The following ARHGAP32 variants were observed in gnomAD, a reference collection of about 807,000 sequenced individuals.
The protein encoded by ARHGAP32 is Rho GTPase activating protein 32.
Under a neutral mutation model 186.5 loss-of-function variants are expected in ARHGAP32, and 51 were observed. The ratio of observed to expected loss-of-function variants is 0.27; its 90% CI spans 0.22 to 0.35. The LOEUF (loss-of-function observed/expected upper bound fraction) is 0.35. Among genes scored for constraint, ARHGAP32 ranks in the 10% least tolerant of loss-of-function variants. The probability of loss-of-function intolerance (pLI) is 1.00; values close to 1 mark genes in which losing one functional copy is unlikely to be tolerated. For missense variants in ARHGAP32, 2,186 were observed against 2,623.5 expected (o/e 0.83, Z 3.64); for synonymous variants, 950 against 964.3 (o/e 0.99, Z 0.27).
intron 2 of ARHGAP32, among the ~76,000 whole-genome samples, chr11:129,148,877 C>T (rs956934205): frequency 6.6e-6 from 1 of 152,100 alleles, no homozygotes; most frequent in African/African-American, 2.4e-5. Flanking sequence ...ACCAAAAGCC[C>T]CTCTGGAACA....
chr11:129,169,909 A>C (rs1014787552), intron 1 of ARHGAP32, among the ~76,000 whole-genome samples: 9 of 152,094 alleles, frequency 5.9e-5, no homozygotes, highest in Non-Finnish European at 1.2e-4. Context: ...TAAAAATAAA[A>C]GGAACACTTC....
intron 1 of ARHGAP32, among the ~76,000 whole-genome samples, chr11:129,265,134 C>T (rs1349328865): frequency 6.6e-6 from 1 of 152,176 alleles, no homozygotes; most frequent in African/African-American, 2.4e-5. Flanking sequence ...CACTGTCAAC[C>T]TGTTTCCAAA....
intron 10 of ARHGAP32, among the ~76,000 whole-genome samples, chr11:129,048,759 T>C (rs1369723297): frequency 6.6e-6 from 1 of 152,154 alleles, no homozygotes; most frequent in East Asian, 1.9e-4. Flanking sequence ...GTTGCCATAA[T>C]ACAATATCAA....
At chr11:129,000,941 G>C (rs765517946) in intron 11 of ARHGAP32, among the ~76,000 whole-genome samples, 1 of 152,134 alleles carries the variant, frequency 6.6e-6, no homozygotes, top group Non-Finnish European at 1.5e-5. Context: ...CATCCATGTT[G>C]TTGCAAATGA....
In ARHGAP32 at chr11:128,973,677, GAA is replaced by G. The variant is rs201963681; in HGVS notation, c.3074-247_3074-246del. The G allele has an allele frequency of 1.8e-5, 10 of 548,720 alleles. No homozygotes were observed. In the East Asian group the frequency reaches 2.4e-4, roughly 13 times the overall value. 34.0% of individuals were successfully genotyped at this position (548,720 alleles called of 1,614,324 possible). A position where few individuals can be genotyped will look rare whatever the true frequency, so the allele number is the denominator to read the frequency against. ...CTTGAATTGTTACAGAGATGGGGGG[GAA>G]AAAAAGCATGTCCCTCACCTGGCTC... On this transcript the variant is annotated intron_variant, in intron 21 of 22. Transcript: ENST00000682385.
At chr11:129,170,193 TTTC>T (rs1206868116) in intron 1 of ARHGAP32, among the ~76,000 whole-genome samples, 1 of 150,434 alleles carries the variant, frequency 6.6e-6, no homozygotes, top group Non-Finnish European at 1.5e-5. Context: ...ATATAATTTC[TTTC>T]TTTTTAATTT....
rs1431263441 is a variant in ARHGAP32 at position 129,274,854 on chromosome 11, A to AGT, written c.-5+4291_-5+4292insAC. Among the ~76,000 whole-genome samples, 26 of 152,196 alleles carry AGT rather than the reference A, an allele frequency of 1.7e-4. No individual in the cohort carries two copies. In the South Asian group the frequency reaches 5.2e-3, roughly 30 times the overall value. On this transcript the variant is annotated intron_variant, in intron 1 of 6. Transcript: ENST00000525234. ...CTTTAGAGTACATATACATATGGGG[A>AGT]AAATTATCCAACCCTGGCCTAATCA...
At chr11:129,271,800 G>T (rs1004627367) in intron 1 of ARHGAP32, among the ~76,000 whole-genome samples, 1 of 152,106 alleles carries the variant, frequency 6.6e-6, no homozygotes, top group Non-Finnish European at 1.5e-5. Context: ...GGTGAGAGAG[G>T]TCAAATAAGA....
chr11:129,019,574 A>T (rs1676471331), intron 11 of ARHGAP32, among the ~76,000 whole-genome samples: 2 of 152,152 alleles, frequency 1.3e-5, no homozygotes, highest in Non-Finnish European at 2.9e-5. Context: ...ACAAAACTTT[A>T]TTCCTTTCCT....
rs1281237202 is a variant in ARHGAP32, at chr11:129,123,702, A to G, written c.360-172T>C. ...TCCTCTTAAAAATACACTGAGTCAGATGAGTATTACATTTAGTGTACAGAT... is the reference window on the plus strand; with the variant it reads ...TCCTCTTAAAAATACACTGAGTCAGGTGAGTATTACATTTAGTGTACAGAT... On this transcript the variant is annotated intron_variant, in intron 4 of 22. Transcript: ENST00000682385. The surrounding 1 kb of genome is among the most constrained non-coding windows in gnomAD (Gnocchi z 4.6). Among the ~76,000 whole-genome samples, 5 of 152,156 alleles carry G rather than the reference A, an allele frequency of 3.3e-5. No homozygotes were observed. Among genetic ancestry groups the G allele is most frequent in the Non-Finnish European group, 4.4e-5 (3 of 67,998 alleles).
chr11:129,249,834 C>T (rs144747945), intron 1 of ARHGAP32, among the ~76,000 whole-genome samples: 30 of 152,126 alleles, frequency 2.0e-4, no homozygotes, highest in Non-Finnish European at 4.0e-4. Flanking sequence ...AACAGCAATG[C>T]TGGTACTCTG....
intron 11 of ARHGAP32, among the ~76,000 whole-genome samples, chr11:129,021,502 T>G (rs756358301): frequency 2.6e-5 from 4 of 152,072 alleles, no homozygotes; most frequent in Admixed American, 6.5e-5. Flanking sequence ...CAGAACCTGC[T>G]CATGCTAGAC....
Position 129,269,691 on chromosome 11 carries a change from TG to T in ARHGAP32, c.-5+9454del, listed in dbSNP as rs201797046. On this transcript the variant is annotated intron_variant, in intron 1 of 6. Transcript: ENST00000525234. ...ACAACGAGCTATGATCACTCCATCC[TG>T]GGTGACAGAGTAAAACCCTGTCTCT... Among the ~76,000 whole-genome samples the T allele has an allele frequency of 9.5e-4, 145 of 152,302 alleles. 3 individuals carry two copies. In the East Asian group the frequency reaches 0.027, roughly 29 times the overall value.
intron 1 of ARHGAP32, among the ~76,000 whole-genome samples, chr11:129,241,070 A>G (rs975548676): frequency 2.0e-5 from 3 of 152,180 alleles, no homozygotes; most frequent in Non-Finnish European, 4.4e-5. Flanking sequence ...TTTCCTTAAC[A>G]CTTCATTTTT....
At chr11:129,006,829 A>G (rs1402565172) in intron 11 of ARHGAP32, among the ~76,000 whole-genome samples, 1 of 152,210 alleles carries the variant, frequency 6.6e-6, no homozygotes, top group Non-Finnish European at 1.5e-5. Flanking sequence ...GAGTTCCCCC[A>G]GGCCCTAGGT....
chr11:129,172,721 A>C (rs1481888823), intron 1 of ARHGAP32, among the ~76,000 whole-genome samples: 3 of 152,234 alleles, frequency 2.0e-5, no homozygotes, highest in Non-Finnish European at 4.4e-5. Flanking sequence ...ATTAAGGCAG[A>C]AATCAGGAAG....
At chr11:129,125,871 T>G (rs1194838555) in intron 2 of ARHGAP32, 1 of 443,784 alleles carries the variant, frequency 2.3e-6, no homozygotes, top group Non-Finnish European at 4.5e-6. Context: ...AGATATATTT[T>G]TACTCCTTCT....
chr11:129,126,057 T>G (rs1438235042), intron 2 of ARHGAP32: 1 of 437,100 alleles, frequency 2.3e-6, no homozygotes, highest in East Asian at 7.0e-5. Flanking sequence ...CTAGGTATTA[T>G]TTCATCAGTA....
upstream of ARHGAP32, among the ~76,000 whole-genome samples, chr11:129,193,884 T>C (rs976633152): frequency 6.8e-6 from 1 of 147,286 alleles, no homozygotes; most frequent in African/African-American, 2.5e-5. Context: ...TCACAAAGGG[T>C]TAATTTATTT....
Sources: allele counts gnomAD v4.1 joint callset (sites outside exome capture counted in the v4.1 genomes callset), GRCh38; gene constraint gnomAD v4.1.1; non-coding constraint Gnocchi (gnomAD v3.1); transcripts MANE v1.5; gene names NCBI Gene and HGNC (gene_info 2026-07-23, HGNC 2026-07-21).